Variants in SNRPC observed in about 807,000 individuals in gnomAD.
The protein encoded by SNRPC is small nuclear ribonucleoprotein polypeptide C.
In SNRPC, 5 loss-of-function variants were observed where a neutral mutation model predicts 20.0. That is an observed-to-expected ratio of 0.25 (90% CI 0.13 to 0.53). The LOEUF is 0.53. Among genes scored for constraint, SNRPC ranks in the 20% least tolerant of loss-of-function variants. SNRPC has a pLI of 0.96. For synonymous variants in SNRPC, 61 were observed against 58.7 expected, an observed-to-expected ratio of 1.04 and a Z score of -0.18; for missense variants, 112 against 224.1, an observed-to-expected ratio of 0.50 and a Z score of 3.19.
At chr6:34,771,382 T>C (rs915728731) in intron 5 of SNRPC, among the ~76,000 whole-genome samples, 3 of 151,792 alleles carry the variant, frequency 2.0e-5, no homozygotes, top group African/African-American at 7.3e-5. Context: ...TGTATATTTA[T>C]TGCATAAACC....
In SNRPC at chr6:34,762,583, T is replaced by G; in HGVS notation, c.52-12T>G. 1 of 1,430,480 alleles carries G rather than the reference T, an allele frequency of 7.0e-7. No individual in the cohort carries two copies. The highest frequency in any genetic ancestry group is 9.8e-7 in the Non-Finnish European group (1 of 1,015,638). 88.6% of individuals were successfully genotyped at this position (1,430,480 alleles called of 1,614,324 possible). A position where few individuals can be genotyped will look rare whatever the true frequency, so the allele number is the denominator to read the frequency against. ...TTGTTTCTACGTCTGATATGATCTT[T>G]TTATTTTACAGCCATCTGTGAGAAA... On this transcript the variant is annotated splice_polypyrimidine_tract_variant and intron_variant, in intron 2 of 5. Coordinates refer to ENST00000244520, the MANE Select transcript of SNRPC (RefSeq NM_003093.3).
chr6:34,768,423 C>G (rs1764642188), intron 4 of SNRPC, among the ~76,000 whole-genome samples: 1 of 152,144 alleles, frequency 6.6e-6, no homozygotes, highest in South Asian at 2.1e-4. Flanking sequence ...GCCCTATTTT[C>G]TAACCCACCT....
rs933172535 is a variant in SNRPC at position 34,773,800 on chromosome 6, T to C, written c.*230T>C. The C allele has an allele frequency of 3.7e-5, 14 of 383,116 alleles. No homozygotes were observed. The highest frequency in any genetic ancestry group is 2.6e-4 in the African/African-American group (13 of 49,554). 23.7% of individuals were successfully genotyped at this position (383,116 alleles called of 1,614,324 possible). A position where few individuals can be genotyped will look rare whatever the true frequency, so the allele number is the denominator to read the frequency against. On this transcript the variant is annotated 3_prime_UTR_variant, in exon 6 of 6. Coordinates refer to ENST00000244520, the MANE Select transcript of SNRPC (RefSeq NM_003093.3). The surrounding 1 kb of genome is among the most constrained non-coding windows in gnomAD (Gnocchi z 4.1). ...GTCAACTCTTTCAGTTAAAAGTGTG[T>C]TCCCTTTTTCCTCCTCTCTGTGTTC...
intron 3 of SNRPC, among the ~76,000 whole-genome samples, chr6:34,765,716 G>A (rs191254365): frequency 1.3e-5 from 2 of 151,876 alleles, no homozygotes; most frequent in East Asian, 3.9e-4. Flanking sequence ...GGGATTACAG[G>A]CCAGGCATGA....
intron 2 of SNRPC, among the ~76,000 whole-genome samples, chr6:34,761,673 A>G (rs1764539431): frequency 6.6e-6 from 1 of 151,224 alleles, no homozygotes; most frequent in Non-Finnish European, 1.5e-5. Context: ...GGTGCCCGCC[A>G]CCATACTTTT....
At chr6:34,767,816 C>G in intron 3 of SNRPC, 92 bp from the exon 4 acceptor site, 1 of 1,251,664 alleles carries the variant, frequency 8.0e-7, no homozygotes, top group Non-Finnish European at 1.1e-6. Context: ...TAATTGGAAC[C>G]GTTGAAGACT....
rs369712906 is a variant in SNRPC, at chr6:34,757,895, C to G, written c.9-17C>G. The G allele has an allele frequency of 5.0e-6, 8 of 1,613,174 alleles. No homozygotes were observed. The highest frequency in any genetic ancestry group is 6.8e-6 in the Non-Finnish European group (8 of 1,179,956). On this transcript the variant is annotated splice_polypyrimidine_tract_variant and intron_variant, in intron 1 of 5. Transcript: ENST00000244520. ...CAGTGGTTGTCGTCTTTTTCTCTTCCTTTCACCTCTTTTCAGGTTTTATTG... is the reference window on the plus strand; with the variant it reads ...CAGTGGTTGTCGTCTTTTTCTCTTCGTTTCACCTCTTTTCAGGTTTTATTG...
Position 34,773,617 on chromosome 6 carries a change from G to A in SNRPC, c.*47G>A, listed in dbSNP as rs1404990771. 1 of 1,564,106 alleles carries A rather than the reference G, an allele frequency of 6.4e-7. No individual in the cohort carries two copies. The highest frequency in any genetic ancestry group is 1.7e-5 in the Admixed American group (1 of 59,280). On this transcript the variant is annotated 3_prime_UTR_variant, in exon 6 of 6. Transcript: ENST00000244520. The surrounding 1 kb of genome is among the most constrained non-coding windows in gnomAD (Gnocchi z 4.1). ...GTATCGGTTTTATATTACCTGTTCT[G>A]CTTCACCAGGAGATCATGCTGCTGT...
At chr6:34,757,652 G>A (rs1325372895) in intron 1 of SNRPC, 101 bp downstream of exon 1, 2 of 1,410,852 alleles carry the variant, frequency 1.4e-6, no homozygotes, top group African/African-American at 2.8e-5. Flanking sequence ...TCGAGGGATG[G>A]GAGAGTATCT....
chr6:34,764,740 G>T lies in SNRPC; in HGVS notation c.160+2037G>T, dbSNP rs560441997. Among the ~76,000 whole-genome samples, 5 of 151,988 alleles carry T rather than the reference G, an allele frequency of 3.3e-5. No homozygotes were observed. In the South Asian group the frequency reaches 8.3e-4, roughly 25 times the overall value. ...TTTTCAAATAAAATAGAGAAGCGGG[G>T]GCCTGGCATGGTGGCTCATGCCTGT... is the stretch of plus-strand genomic sequence containing the variant. On this transcript the variant is annotated intron_variant, in intron 3 of 5. Coordinates refer to ENST00000244520, the MANE Select transcript of SNRPC (RefSeq NM_003093.3).
At chr6:34,767,358 C>G (rs905751939) in intron 3 of SNRPC, among the ~76,000 whole-genome samples, 1 of 152,230 alleles carries the variant, frequency 6.6e-6, no homozygotes, top group East Asian at 1.9e-4. Context: ...TGGCGGCTCA[C>G]GCCTATAATC....
chr6:34,770,630 T>C (rs1228388036), intron 5 of SNRPC, among the ~76,000 whole-genome samples: 1 of 152,226 alleles, frequency 6.6e-6, no homozygotes, highest in Non-Finnish European at 1.5e-5. Context: ...AATACTTGGT[T>C]TATCATTATA....
chr6:34,770,993 A>C (rs1183492270), intron 5 of SNRPC, among the ~76,000 whole-genome samples: 2 of 152,200 alleles, frequency 1.3e-5, no homozygotes, highest in East Asian at 1.9e-4. Context: ...ACATACATTA[A>C]TTTGCAAATC....
intron 2 of SNRPC, among the ~76,000 whole-genome samples, chr6:34,759,126 G>A (rs1005669142): frequency 1.3e-5 from 2 of 152,020 alleles, no homozygotes; most frequent in Non-Finnish European, 2.9e-5. Context: ...AGCTTATGGT[G>A]GCAAATAATA....
chr6:34,762,708 G>A lies in SNRPC; in HGVS notation c.160+5G>A. 4.3e-6 allele frequency: 6 copies of A among 1,388,056 alleles called. No individual in the cohort carries two copies. Among genetic ancestry groups the A allele is most frequent in the Non-Finnish European group, 6.2e-6 (6 of 974,726 alleles). The allele number at this position is 1,388,056 out of a possible 1,614,324, so 86.0% of individuals were successfully genotyped here. On this transcript the variant is annotated splice_donor_5th_base_variant and intron_variant, in intron 3 of 5. Transcript: ENST00000244520. ...AGAGCCTGATTGACAAAACAAGTAT[G>A]TTTCAATCTCTTGTTCTGCTGTGGT...
chr6:34,757,850 G>T (rs762182916), intron 1 of SNRPC, 62 bp from the exon 2 acceptor site: 26 of 1,610,836 alleles, frequency 1.6e-5, no homozygotes, highest in Non-Finnish European at 2.0e-5. Flanking sequence ...CATGAACAGC[G>T]CTTCCGTGGA....
At chr6:34,768,516 C>G (rs530367952) in intron 4 of SNRPC, among the ~76,000 whole-genome samples, 2 of 152,204 alleles carry the variant, frequency 1.3e-5, no homozygotes, top group South Asian at 4.2e-4. Flanking sequence ...CTTTGGGAGG[C>G]TGAGGTGGGT....
chr6:34,770,485 T>A, intron 5 of SNRPC, 90 bp downstream of exon 5: 1 of 795,324 alleles, frequency 1.3e-6, no homozygotes, highest in South Asian at 1.5e-5. Context: ...TCAGTATGTG[T>A]AGCCAAAGCT....
chr6:34,762,497 T>C (rs1764550652), intron 2 of SNRPC, 98 bp from the exon 3 acceptor site: 1 of 645,116 alleles, frequency 1.6e-6, no homozygotes, highest in Non-Finnish European at 2.8e-6. Flanking sequence ...CTAATGCTGC[T>C]GATACTAGAC....
Sources: allele counts gnomAD v4.1 joint callset (sites outside exome capture counted in the v4.1 genomes callset), GRCh38; gene constraint gnomAD v4.1.1; non-coding constraint Gnocchi (gnomAD v3.1); transcripts MANE v1.5; gene names NCBI Gene and HGNC (gene_info 2026-07-23, HGNC 2026-07-21).